RXFP2: variants seen among roughly 807,000 people sequenced by gnomAD.
RXFP2 encodes the protein relaxin receptor 2.
A neutral mutation model predicts 88.6 loss-of-function variants in RXFP2; 68 were observed. The observed-to-expected ratio is 0.77, with a 90% CI of 0.63 to 0.94. The LOEUF (loss-of-function observed/expected upper bound fraction) is 0.94. Among genes scored for constraint, RXFP2 ranks in the 40% least tolerant of loss-of-function variants. RXFP2 has a pLI of 0.00. For synonymous variants in RXFP2, 329 were observed against 306.8 expected (o/e 1.07, Z -0.76); for missense variants, 791 against 893.9 (o/e 0.88, Z 1.47).
At chr13:31,788,129 G>GCC (rs1873632906) in intron 13 of RXFP2, among the ~76,000 whole-genome samples, 1 of 132,072 alleles carries the variant, frequency 7.6e-6, no homozygotes, top group Non-Finnish European at 1.7e-5. Context: ...CAAGGACAGA[G>GCC]CCAGAGAGAA....
At position 31,782,751 on chromosome 13, in the gene RXFP2, A is replaced by C. The variant is rs1443176640; in HGVS notation, c.929+4A>C. ...CATTAAAAAATTTAGGAGAACTGTAAGTAGCATCGTCTACTAGGAAAATAT... is the reference window on the plus strand; with the variant it reads ...CATTAAAAAATTTAGGAGAACTGTACGTAGCATCGTCTACTAGGAAAATAT... On this transcript the variant is annotated splice_donor_region_variant and intron_variant, in intron 11 of 17. Coordinates refer to ENST00000298386, the MANE Select transcript of RXFP2 (RefSeq NM_130806.5). 1 of 1,540,660 alleles carries C rather than the reference A, an allele frequency of 6.5e-7. No individual in the cohort carries two copies. The highest frequency in any genetic ancestry group is 1.7e-5 in the Admixed American group (1 of 59,876).
intron 17 of RXFP2, among the ~76,000 whole-genome samples, chr13:31,797,714 G>A (rs1874125171): frequency 6.6e-6 from 1 of 152,124 alleles, no homozygotes; most frequent in African/African-American, 2.4e-5. Flanking sequence ...AAATATACAT[G>A]CCCAGGTTCC....
intron 1 of RXFP2, among the ~76,000 whole-genome samples, chr13:31,753,092 A>C (rs1481391587): frequency 6.6e-6 from 1 of 152,208 alleles, no homozygotes; most frequent in East Asian, 1.9e-4. Context: ...CCCTGGAGCC[A>C]TCGCCCCTGG....
intron 13 of RXFP2, among the ~76,000 whole-genome samples, chr13:31,787,114 C>T (rs917444791): frequency 6.6e-6 from 1 of 152,194 alleles, no homozygotes. Context: ...AGTATTTTTA[C>T]ATTTCAACCA....
At chr13:31,776,796 C>G (rs112859550) in intron 7 of RXFP2, among the ~76,000 whole-genome samples, 1,633 of 152,184 alleles carry the variant, frequency 0.011, 12 homozygotes, top group Middle Eastern at 0.031. Context: ...GAATAGAGGC[C>G]TATTTCCCCT....
chr13:31,776,345 T>C (rs1380546202), intron 7 of RXFP2, among the ~76,000 whole-genome samples: 2 of 142,212 alleles, frequency 1.4e-5, no homozygotes, highest in African/African-American at 5.2e-5. Context: ...AGCCTCAATC[T>C]CTGGGACTCA....
chr13:31,752,472 G>C (rs528419409), intron 1 of RXFP2, among the ~76,000 whole-genome samples: 3 of 152,038 alleles, frequency 2.0e-5, no homozygotes, highest in Admixed American at 1.3e-4. Flanking sequence ...TGAATATAAC[G>C]ATTGATGTGG....
At chr13:31,794,368 CCACACACACACACACACACACA>C (rs56077729) in intron 16 of RXFP2, among the ~76,000 whole-genome samples, 1 of 145,774 alleles carries the variant, frequency 6.9e-6, no homozygotes, top group South Asian at 2.3e-4. Context: ...GAAACACACA[CCACACACACACACACACACACA>C]CACACACACA....
chr13:31,758,216 T>C, intron 1 of RXFP2, 42 bp from the exon 2 acceptor site: 10 of 1,612,114 alleles, frequency 6.2e-6, no homozygotes, highest in Non-Finnish European at 8.5e-6. Flanking sequence ...GGAGAGAGCT[T>C]GGCCATGGTA....
At chr13:31,800,491 G>T (rs898918322) in intron 17 of RXFP2, among the ~76,000 whole-genome samples, 3 of 152,232 alleles carry the variant, frequency 2.0e-5, no homozygotes, top group Non-Finnish European at 4.4e-5. Flanking sequence ...AGAATGGCAT[G>T]AACATAAGAG....
chr13:31,784,520 C>G (rs1402674737), intron 11 of RXFP2, among the ~76,000 whole-genome samples: 4 of 152,128 alleles, frequency 2.6e-5, no homozygotes, highest in Non-Finnish European at 5.9e-5. Flanking sequence ...AAGGCATTTT[C>G]TAGGTGTATG....
chr13:31,770,600 A>G (rs1872700640), intron 5 of RXFP2, among the ~76,000 whole-genome samples: 1 of 152,192 alleles, frequency 6.6e-6, no homozygotes, highest in Admixed American at 6.5e-5. Context: ...ATCTCACAAC[A>G]TTATAAAACA....
intron 3 of RXFP2, among the ~76,000 whole-genome samples, chr13:31,762,189 G>T (rs150194170): frequency 1.3e-4 from 20 of 152,308 alleles, no homozygotes; most frequent in African/African-American, 3.6e-4. Context: ...CCTTACAAAA[G>T]CAGTGATGAT....
At chr13:31,740,603 T>C (rs1871192003) in intron 1 of RXFP2, among the ~76,000 whole-genome samples, 1 of 152,124 alleles carries the variant, frequency 6.6e-6, no homozygotes, top group South Asian at 2.1e-4. Context: ...ATATTTTAAA[T>C]CTTGAAATAA....
At chr13:31,785,775 C>G (rs961911333) in intron 11 of RXFP2, among the ~76,000 whole-genome samples, 1 of 152,108 alleles carries the variant, frequency 6.6e-6, no homozygotes, top group Non-Finnish European at 1.5e-5. Flanking sequence ...TTTAACAGGT[C>G]TCTTTTCCAC....
chr13:31,763,261 T>A (rs949642960), intron 3 of RXFP2, among the ~76,000 whole-genome samples: 1 of 152,138 alleles, frequency 6.6e-6, no homozygotes, highest in Middle Eastern at 3.4e-3. Flanking sequence ...ATTTTCATAT[T>A]CTTTGTAGAG....
At position 31,775,304 on chromosome 13, in the gene RXFP2, C is replaced by A; in HGVS notation, c.570-14C>A. 1 of 1,605,524 alleles carries A rather than the reference C, an allele frequency of 6.2e-7. No homozygotes were observed. The highest frequency in any genetic ancestry group is 8.5e-7 in the Non-Finnish European group (1 of 1,172,242). On this transcript the variant is annotated splice_polypyrimidine_tract_variant and intron_variant, in intron 6 of 17. Coordinates refer to ENST00000298386, the MANE Select transcript of RXFP2 (RefSeq NM_130806.5). ...ATTGAGTTTGCCTAATTAACTCACC[C>A]ATGCTATTTGTAGATATCTCAACCA...
intron 1 of RXFP2, among the ~76,000 whole-genome samples, chr13:31,757,189 C>T (rs932802465): frequency 1.3e-5 from 2 of 152,126 alleles, no homozygotes; most frequent in Admixed American, 1.3e-4. Flanking sequence ...TTGTTTCTAA[C>T]TAGTCCTGAT....
chr13:31,752,973 G>A (rs1007237002), intron 1 of RXFP2, among the ~76,000 whole-genome samples: 17 of 152,172 alleles, frequency 1.1e-4, no homozygotes, highest in African/African-American at 2.7e-4. Context: ...AAGGCTTGCC[G>A]GCAATTTCTA....
Sources: gnomAD v4.1 joint callset for allele counts (sites outside exome capture counted in the v4.1 genomes callset) on GRCh38, gnomAD v4.1.1 for gene constraint, MANE v1.5 for transcripts, NCBI Gene and HGNC (gene_info 2026-07-23, HGNC 2026-07-21) for gene names.